Variants in CR1L observed in about 807,000 individuals in gnomAD.
The protein encoded by CR1L is complement component receptor 1-like protein.
Under a neutral mutation model 62.3 loss-of-function variants are expected in CR1L, and 59 were observed. The observed-to-expected ratio is 0.95, with a 90% CI of 0.77 to 1.18. The LOEUF (loss-of-function observed/expected upper bound fraction) is 1.18, where lower values mean the gene tolerates loss of function less well. Among genes scored for constraint, CR1L ranks in the 50% most tolerant of loss-of-function variants. The pLI is 0.00. For synonymous variants in CR1L, 279 were observed against 248.7 expected, an observed-to-expected ratio of 1.12 and a Z score of -1.15; for missense variants, 700 against 702.8, an observed-to-expected ratio of 1.00 and a Z score of 0.04.
intron 1 of CR1L, among the ~76,000 whole-genome samples, chr1:207,656,104 G>A (rs990237578): frequency 6.6e-6 from 1 of 152,174 alleles, no homozygotes; most frequent in Non-Finnish European, 1.5e-5. Flanking sequence ...CAGGCGTGGT[G>A]GTAGCAGCCT....
At chr1:207,689,284 GCAAA>G (rs932026232) in intron 4 of CR1L, among the ~76,000 whole-genome samples, 4 of 152,064 alleles carry the variant, frequency 2.6e-5, no homozygotes, top group Admixed American at 2.0e-4. Context: ...TCTTTAAAGG[GCAAA>G]CAAACTCTGA....
At chr1:207,710,258 T>A in intron 10 of CR1L, 1 of 633,188 alleles carries the variant, frequency 1.6e-6, no homozygotes, top group Non-Finnish European at 2.8e-6. Flanking sequence ...GGGGGAGGAT[T>A]GCTTGACCTG....
intron 4 of CR1L, among the ~76,000 whole-genome samples, chr1:207,684,832 A>G (rs1663875429): frequency 6.6e-6 from 1 of 152,222 alleles, no homozygotes; most frequent in African/African-American, 2.4e-5. Context: ...TGCAGTGTAT[A>G]ACATCTTTGT....
chr1:207,670,702 A>G (rs1663598581), intron 1 of CR1L, among the ~76,000 whole-genome samples: 1 of 151,064 alleles, frequency 6.6e-6, no homozygotes, highest in African/African-American at 2.5e-5. Context: ...AAGAGTTGTT[A>G]TTAATATTTG....
At chr1:207,667,234 T>C (rs1377031594) in intron 1 of CR1L, among the ~76,000 whole-genome samples, 1 of 152,170 alleles carries the variant, frequency 6.6e-6, no homozygotes, top group Non-Finnish European at 1.5e-5. Flanking sequence ...TATCTTGTGG[T>C]TTAAAACAAC....
intron 10 of CR1L, among the ~76,000 whole-genome samples, chr1:207,709,938 A>C (rs1664327404): frequency 6.6e-6 from 1 of 152,246 alleles, no homozygotes; most frequent in African/African-American, 2.4e-5. Context: ...TAAAATTGTA[A>C]GAATATATCT....
At chr1:207,664,977 C>T (rs1284271506) in intron 1 of CR1L, among the ~76,000 whole-genome samples, 1 of 152,146 alleles carries the variant, frequency 6.6e-6, no homozygotes, top group Non-Finnish European at 1.5e-5. Context: ...TATGTTTACC[C>T]CAAGCACATT....
At chr1:207,715,720 C>T (rs528340288) in intron 10 of CR1L, among the ~76,000 whole-genome samples, 3,484 of 147,374 alleles carry the variant, frequency 0.024, 132 homozygotes, top group African/African-American at 0.08. Context: ...TTTTTTTTTT[C>T]TTTTTTGAGA....
chr1:207,675,019 T>C (rs1328672207), intron 1 of CR1L, among the ~76,000 whole-genome samples: 3 of 152,142 alleles, frequency 2.0e-5, no homozygotes, highest in Non-Finnish European at 4.4e-5. Flanking sequence ...TTTTAAGTTT[T>C]ATAAGTAATT....
At chr1:207,718,383 G>A (rs889634266) in intron 11 of CR1L, among the ~76,000 whole-genome samples, 2 of 152,162 alleles carry the variant, frequency 1.3e-5, no homozygotes, top group African/African-American at 4.8e-5. Flanking sequence ...CCATCCTCCA[G>A]TAAGGACAGA....
intron 9 of CR1L, chr1:207,701,833 T>G (rs1664197614): frequency 1.3e-6 from 1 of 749,216 alleles, no homozygotes; most frequent in African/African-American, 1.7e-5. Flanking sequence ...ACATAAAGAG[T>G]ATGCCGTTCA....
At chr1:207,653,571 T>A (rs1164617381) in intron 1 of CR1L, among the ~76,000 whole-genome samples, 1 of 152,210 alleles carries the variant, frequency 6.6e-6, no homozygotes, top group African/African-American at 2.4e-5. Context: ...GATGACTCTG[T>A]AAAGTGTGAC....
chr1:207,695,726 T>G (rs1664068246), intron 5 of CR1L, among the ~76,000 whole-genome samples: 2 of 152,176 alleles, frequency 1.3e-5, no homozygotes, highest in African/African-American at 4.8e-5. Context: ...GAGGAATGAC[T>G]GAAGACTCCT....
intron 11 of CR1L, among the ~76,000 whole-genome samples, chr1:207,723,259 G>A (rs1180448601): frequency 8.6e-5 from 13 of 151,894 alleles, no homozygotes; most frequent in Admixed American, 5.9e-4. Flanking sequence ...GTGAAACCCC[G>A]TCTCTACTAA....
chr1:207,682,482 A>G (rs189282003), intron 3 of CR1L, among the ~76,000 whole-genome samples: 72 of 152,262 alleles, frequency 4.7e-4, no homozygotes, highest in Admixed American at 4.0e-3. Flanking sequence ...AATAATAAAT[A>G]ACCAAAATGA....
At chr1:207,665,871 C>T (rs1206917718) in intron 1 of CR1L, among the ~76,000 whole-genome samples, 2 of 152,260 alleles carry the variant, frequency 1.3e-5, no homozygotes, top group African/African-American at 2.4e-5. Context: ...TTGAGTAAGA[C>T]AGTCAGATGA....
rs775007209 is a variant in CR1L, at chr1:207,697,578, A to G, written c.938A>G (p.Glu313Gly). ...RDKDNFSPGQ[E>G]VFYSCEPGYD... is the part of the protein sequence containing the mutation. Reference sequence around the variant, plus strand: ...AAGGACAACTTTTCACCCGGGCAGGAAGTGTTCTACAGCTGTGAGCCCGGC... The same window carrying G: ...AAGGACAACTTTTCACCCGGGCAGGGAGTGTTCTACAGCTGTGAGCCCGGC... Residue 313 changes from glutamate to glycine, a missense_variant, in exon 6 of 12, where the codon GAA (glutamate) becomes GGA (glycine). Glu to Gly is a moderately conservative substitution (Grantham distance 98). Transcript: ENST00000508064. 1.2e-6 allele frequency: 2 copies of G among 1,613,822 alleles called. No homozygotes were observed. Among genetic ancestry groups the G allele is most frequent in the Non-Finnish European group, 1.7e-6 (2 of 1,179,776 alleles).
intron 1 of CR1L, among the ~76,000 whole-genome samples, chr1:207,660,105 C>T (rs1663386230): frequency 1.3e-5 from 2 of 152,270 alleles, no homozygotes; most frequent in Non-Finnish European, 2.9e-5. Flanking sequence ...CATATCTGAA[C>T]AAAAGGCAGC....
chr1:207,652,790 C>T (rs190307432), intron 1 of CR1L: 84 of 679,754 alleles, frequency 1.2e-4, no homozygotes, highest in East Asian at 8.4e-4. Context: ...GATTTGCACA[C>T]ATTTTAGGGT....
Sources: gnomAD v4.1 joint callset for allele counts (sites outside exome capture counted in the v4.1 genomes callset) on GRCh38, gnomAD v4.1.1 for gene constraint, MANE v1.5 for transcripts, NCBI Gene and HGNC (gene_info 2026-07-23, HGNC 2026-07-21) for gene names.